The following TTN variants were observed in gnomAD, a reference collection of about 807,000 sequenced individuals.
The protein encoded by TTN is titin.
TTN carries 1,525 observed loss-of-function variants against 3,223.0 expected under a neutral mutation model. The observed-to-expected ratio is 0.47, with a 90% CI of 0.45 to 0.49. The LOEUF is 0.49. TTN is among the 20% of genes least tolerant of loss of function. The pLI is 0.00. For synonymous variants in TTN, 14,094 were observed against 15,161.0 expected (o/e 0.93, Z 5.17); for missense variants, 40,786 against 43,424.0 (o/e 0.94, Z 5.40).
rs770845631 is a variant in TTN, at chr2:178,589,614, T to C, written c.62111A>G (p.His20704Arg). 1 of 1,613,328 alleles carries C rather than the reference T, an allele frequency of 6.2e-7. No homozygotes were observed. The highest frequency in any genetic ancestry group is 1.7e-5 in the Admixed American group (1 of 59,976). ...GGAGCCCTTAAGCCTTCTCTCAACA[T>C]GATATGACAGATTTGGACTGCCACC... ...YDGGSPNLSYHVERRLKGSDD... is the reference protein window; with the variant it reads ...YDGGSPNLSYRVERRLKGSDD... The change falls in exon 304 of 363, where the codon CAT becomes CGT. Residue 20704 changes from histidine (H) to arginine (R), a missense_variant. Transcript: ENST00000589042.
Position 178,561,421 on chromosome 2 carries a change from A to C in TTN, c.84711T>G (p.Ile28237Met), listed in dbSNP as rs1703616150. The C allele has an allele frequency of 2.5e-6, 4 of 1,613,824 alleles. No homozygotes were observed. In the Admixed American group the frequency reaches 5.0e-5, roughly 20 times the overall value. Residue 28237 changes from isoleucine to methionine, a missense_variant, in exon 326 of 363, where the codon ATT becomes ATG. Coordinates refer to ENST00000589042, the MANE Select transcript of TTN (RefSeq NM_001267550.2). ...GTTCACAAGATTTACTGCATTTACC[A>C]ATTCCAGCAATATTTTCAGCATATA... Reference protein sequence around the residue: ...YRVYAENIAGIGKCSKSCEPV... With the variant: ...YRVYAENIAGMGKCSKSCEPV...
chr2:178,572,024 A>G lies in TTN; in HGVS notation c.74108T>C (p.Leu24703Pro). The change falls in exon 326 of 363, where the codon CTG becomes CCG. Residue 24703 changes from leucine to proline, a missense_variant. Coordinates refer to ENST00000589042, the MANE Select transcript of TTN (RefSeq NM_001267550.2). ...ATCTTTGGCGATCACTGGCACACTC[A>G]GTTGTCTAGGATCACTGATGCCCTT... ...NEKGISDPRQ[L>P]SVPVIAKDLV... 1.2e-6 allele frequency: 2 copies of G among 1,613,288 alleles called. No individual in the cohort carries two copies. The highest frequency in any genetic ancestry group is 2.2e-5 in the East Asian group (1 of 44,684).
chr2:178,718,389 T>C lies in TTN; in HGVS notation c.24717A>G (p.Ala8239=). ...EILESTIEDY[A]QYSCLIENEA... Reference sequence around the variant, plus strand: ...CATTTTCTATCAGGCAGCTGTACTGTGCATAATCCTCTATTGTGCTCTCAA... The same window carrying C: ...CATTTTCTATCAGGCAGCTGTACTGCGCATAATCCTCTATTGTGCTCTCAA... Residue 8239 remains alanine, a synonymous_variant, in exon 85 of 363, where the codon GCA becomes GCG. Transcript: ENST00000589042. 6.2e-7 allele frequency: 1 copy of C among 1,613,832 alleles called. No homozygotes were observed. The highest frequency in any genetic ancestry group is 8.5e-7 in the Non-Finnish European group (1 of 1,179,760).
Position 178,678,187 on chromosome 2 carries a change from A to G in TTN, c.33932T>C (p.Leu11311Pro). 5 of 1,610,780 alleles carry G rather than the reference A, an allele frequency of 3.1e-6. No homozygotes were observed. The highest frequency in any genetic ancestry group is 4.2e-6 in the Non-Finnish European group (5 of 1,178,798). Reference sequence around the variant, plus strand: ...TGTTGGTTTCTTTTCTTCTGGGATGAGCTTCTTGGGCACCTCTGGCACTTT... The same window carrying G: ...TGTTGGTTTCTTTTCTTCTGGGATGGGCTTCTTGGGCACCTCTGGCACTTT... ...PAKVPEVPKK[L>P]IPEEKKPTPV... is the part of the protein sequence containing the mutation. The change falls in exon 145 of 363, where the codon CTC (leucine) becomes CCC (proline). Residue 11311 changes from leucine (L) to proline (P), a missense_variant. Leu to Pro is a moderately conservative substitution (Grantham distance 98). Transcript: ENST00000589042.
intron 127 of TTN, among the ~76,000 whole-genome samples, chr2:178,686,495 G>A (rs147030550): frequency 6.6e-6 from 1 of 152,092 alleles, no homozygotes; most frequent in East Asian, 1.9e-4. Context: ...ACAGCTCACT[G>A]TAACCTCGAA....
chr2:178,706,917 C>T lies in TTN; in HGVS notation c.29079G>A (p.Ala9693=), dbSNP rs372997298. 1,013 of 1,611,930 alleles carry T rather than the reference C, an allele frequency of 6.3e-4. 3 individuals are homozygous for T. Among genetic ancestry groups the T allele is most frequent in the Non-Finnish European group, 7.1e-4 (833 of 1,178,936 alleles). ...ACACAAAAAAGAGTCTTCCATCTAC[C>T]GCAGCTTTCTTGGTTGCTGGGGCCA... ...PAVAPATKKA[A]VDGRLFFVSE... Residue 9693 remains alanine (A), a synonymous_variant, in exon 101 of 363, where the codon GCG becomes GCA. Transcript: ENST00000589042.
Position 178,566,750 on chromosome 2 carries a change from A to G in TTN, c.79382T>C (p.Val26461Ala), listed in dbSNP as rs1351446352. ...LTEDHEYEFR[V>A]SAENAAGVGE... ...AACTCCAGCAGCATTTTCTGCAGAG[A>G]CCCTGAATTCATACTCATGATCTTC... The change falls in exon 326 of 363, where the codon GTC becomes GCC. Residue 26461 changes from valine (V) to alanine (A), a missense_variant. Transcript: ENST00000589042. 6.2e-7 allele frequency: 1 copy of G among 1,613,220 alleles called. No homozygotes were observed. The highest frequency in any genetic ancestry group is 8.5e-7 in the Non-Finnish European group (1 of 1,179,680).
rs56308529 is a variant in TTN, at chr2:178,531,435, C to G, written c.105180G>C (p.Glu35060Asp). Residue 35060 changes from glutamate (E) to aspartate (D), a missense_variant, in exon 358 of 363, where the codon GAG becomes GAC. By Grantham distance (45) the Glu-to-Asp change is conservative. Coordinates refer to ENST00000589042, the MANE Select transcript of TTN (RefSeq NM_001267550.2). ...RSVFPELTRT[E>D]AYAVSSFKKT... is the part of the protein sequence containing the mutation. Reference sequence around the variant, plus strand: ...TCTTAAATGATGAAACAGCATACGCCTCTGTTCTTGTCAGCTCAGGGAAAA... The same window carrying G: ...TCTTAAATGATGAAACAGCATACGCGTCTGTTCTTGTCAGCTCAGGGAAAA... 0.043 allele frequency: 68,712 copies of G among 1,613,932 alleles called. 1,667 individuals are homozygous for G. The highest frequency in any genetic ancestry group is 0.079 in the Admixed American group (4,768 of 60,016).
Position 178,588,548 on chromosome 2 carries a change from T to C in TTN, c.63177A>G (p.Lys21059=), listed in dbSNP as rs1478497962. The change falls in exon 304 of 363, where the codon AAA becomes AAG. Residue 21059 remains lysine (K), a synonymous_variant. Coordinates refer to ENST00000589042, the MANE Select transcript of TTN (RefSeq NM_001267550.2). ...ACAAGGACATCCTACCTATGGGGTC[T>C]TTTGCCACCACCGGTCTTGAAGGCA... ...PSLPSRPVVA[K]DPIEPPGPPT... 4 of 1,526,072 alleles carry C rather than the reference T, an allele frequency of 2.6e-6. No homozygotes were observed. The African/African-American group carries it at 4.2e-5, about 16-fold the overall frequency. 94.5% of individuals were successfully genotyped at this position (1,526,072 alleles called of 1,614,324 possible).
At chr2:178,681,493 G>T (rs767095886) in intron 136 of TTN, 43 bp from the exon 137 acceptor site, 95 of 1,549,068 alleles carry the variant, frequency 6.1e-5, no homozygotes, top group Non-Finnish European at 7.8e-5. Flanking sequence ...ATTGAAACAG[G>T]TTTCTCAAGG....
At position 178,789,389 on chromosome 2, in the gene TTN, G is replaced by C. The variant is rs1405488978; in HGVS notation, c.2047C>G (p.Gln683Glu). The C allele has an allele frequency of 1.2e-6, 2 of 1,613,420 alleles. No homozygotes were observed. The highest frequency in any genetic ancestry group is 1.7e-6 in the Non-Finnish European group (2 of 1,179,498). Residue 683 changes from glutamine (Q) to glutamate (E), a missense_variant, in exon 13 of 363, where the codon CAA becomes GAA. By Grantham distance (29) the Gln-to-Glu change is conservative. Transcript: ENST00000589042. ...CCATGGGTAACTTGGATTTGTTCTT[G>C]TCTAGTAGCCATAGTTTCTCTAGTT... The part of the protein sequence containing the change: ...LRTRETMATR[Q>E]EQIQVTHGKV...
At chr2:178,671,237 G>T in intron 155 of TTN, 67 bp from the exon 156 acceptor site, 2 of 1,169,384 alleles carry the variant, frequency 1.7e-6, no homozygotes, top group Non-Finnish European at 2.4e-6. Flanking sequence ...TACTACTAAC[G>T]TTAGTACAAT....
Position 178,590,412 on chromosome 2 carries a change from A to G in TTN, c.61313T>C (p.Ile20438Thr), listed in dbSNP as rs756962314. The part of the protein sequence containing the change: ...RQCAFRVPGL[I>T]EGNEYRFRIK... ...ACGGAATCTGTACTCATTTCCTTCA[A>G]TTAGTCCAGGTACCCTAAAGGCACA... Residue 20438 changes from isoleucine (I) to threonine (T), a missense_variant, in exon 304 of 363, where the codon ATT becomes ACT. By Grantham distance (89) the Ile-to-Thr change is moderately conservative (BLOSUM62 -1). Coordinates refer to ENST00000589042, the MANE Select transcript of TTN (RefSeq NM_001267550.2). The G allele has an allele frequency of 8.1e-6, 13 of 1,609,460 alleles. 1 individual carries two copies. The highest frequency in any genetic ancestry group is 6.7e-5 in the East Asian group (3 of 44,720).
At position 178,590,422 on chromosome 2, in the gene TTN, G is replaced by A; in HGVS notation, c.61303C>T (p.Pro20435Ser). 6.2e-7 allele frequency: 1 copy of A among 1,611,400 alleles called. No individual in the cohort carries two copies. The highest frequency in any genetic ancestry group is 8.5e-7 in the Non-Finnish European group (1 of 1,178,894). Residue 20435 changes from proline to serine, a missense_variant, in exon 304 of 363, where the codon CCT becomes TCT. By Grantham distance (74) the Pro-to-Ser change is moderately conservative. Transcript: ENST00000589042. ...TACTCATTTCCTTCAATTAGTCCAGGTACCCTAAAGGCACATTGCCTAATG... is the reference window on the plus strand; with the variant it reads ...TACTCATTTCCTTCAATTAGTCCAGATACCCTAAAGGCACATTGCCTAATG... ...ELIRQCAFRV[P>S]GLIEGNEYRF...
At position 178,601,773 on chromosome 2, in the gene TTN, T is replaced by A; in HGVS notation, c.55317A>T (p.Glu18439Asp). Residue 18439 changes from glutamate (E) to aspartate (D), a missense_variant, in exon 286 of 363, where the codon GAA (glutamate) becomes GAT (aspartate). Transcript: ENST00000589042. ...CCGGAATAATAATTACTGAGGAGTT[T>A]TCAGCAGTCTCCAGCTGTACAAAGA... The part of the protein sequence containing the change: ...IPEDAQLETA[E>D]NSSVIIIPEC... The A allele has an allele frequency of 1.2e-6, 2 of 1,604,210 alleles. No homozygotes were observed. Among genetic ancestry groups the A allele is most frequent in the East Asian group, 4.5e-5 (2 of 44,644 alleles).
Position 178,545,820 on chromosome 2 carries a change from T to C in TTN, c.95416A>G (p.Thr31806Ala). The C allele has an allele frequency of 6.2e-7, 1 of 1,612,820 alleles. No homozygotes were observed. The highest frequency in any genetic ancestry group is 8.5e-7 in the Non-Finnish European group (1 of 1,178,962). ...ATTATTTAAAAGTGTTAATACTTAC[T>C]GAATGAGTTTCTGGCTACAATTGGC... is the stretch of plus-strand genomic sequence containing the variant. The part of the protein sequence containing the change: ...SEPIVARNSF[T>A]IPSPPGIPEE... Residue 31806 changes from threonine to alanine, a missense_variant and splice_region_variant, in exon 343 of 363, where the codon ACT becomes GCT. By Grantham distance (58) the Thr-to-Ala change is moderately conservative. Coordinates refer to ENST00000589042, the MANE Select transcript of TTN (RefSeq NM_001267550.2).
chr2:178,733,360 A>C lies in TTN; in HGVS notation c.15933T>G (p.Phe5311Leu), dbSNP rs768239529. The change falls in exon 54 of 363, where the codon TTT becomes TTG. Residue 5311 changes from phenylalanine (F) to leucine (L), a missense_variant. Phe to Leu is a conservative substitution (Grantham distance 22). Transcript: ENST00000589042. ...ATTTGAGCTGGGCAACATTGTTTTT[A>C]AAACTTATTCGGTATTTTTTACTGG... ...LVASKKYRIS[F>L]KNNVAQLKFY... The C allele has an allele frequency of 1.2e-6, 2 of 1,613,770 alleles. No homozygotes were observed. Among genetic ancestry groups the C allele is most frequent in the Non-Finnish European group, 1.7e-6 (2 of 1,179,788 alleles).
chr2:178,610,954 A>G (rs971648550), intron 270 of TTN, 39 bp downstream of exon 270: 19 of 1,606,108 alleles, frequency 1.2e-5, no homozygotes, highest in Non-Finnish European at 1.5e-5. Flanking sequence ...TTTCCTCTAC[A>G]TGTGAAGAAT....
intron 350 of TTN, 103 bp downstream of exon 350, chr2:178,541,179 A>G: frequency 8.8e-7 from 1 of 1,138,198 alleles, no homozygotes; most frequent in Non-Finnish European, 1.2e-6. Context: ...ATTACAAAAC[A>G]GTACATTTTT....
Sources: allele counts gnomAD v4.1 joint callset (sites outside exome capture counted in the v4.1 genomes callset), GRCh38; gene constraint gnomAD v4.1.1; transcripts MANE v1.5; gene names NCBI Gene and HGNC (gene_info 2026-07-23, HGNC 2026-07-21).